The following FRMD5 variants were observed in gnomAD, a reference collection of about 807,000 sequenced individuals.
The protein encoded by FRMD5 is FERM domain containing 5.
FRMD5 carries 20 observed loss-of-function variants against 69.0 expected under a neutral mutation model. The ratio of observed to expected loss-of-function variants is 0.29; its 90% CI spans 0.20 to 0.42. The LOEUF is 0.42. Ranked by LOEUF, FRMD5 falls within the 10% of genes least tolerant of loss-of-function variation. The pLI is 1.00. For synonymous variants in FRMD5, 271 were observed against 260.1 expected (o/e 1.04, Z -0.40); for missense variants, 595 against 708.6 (o/e 0.84, Z 1.82).
chr15:44,175,870 A>T lies in FRMD5; in HGVS notation c.102+19083T>A, dbSNP rs138502296. ...CTGAAAACCACAAAGCATTTTTTTA[A>T]AAATTAAAGATCCAAATAAATGGAA... On this transcript the variant is annotated intron_variant, in intron 1 of 13. Transcript: ENST00000417257. Among the ~76,000 whole-genome samples, 600 of 152,318 alleles carry T rather than the reference A, an allele frequency of 3.9e-3. 5 individuals are homozygous for T. Among genetic ancestry groups the T allele is most frequent in the African/African-American group, 0.014 (562 of 41,572 alleles).
intron 1 of FRMD5, among the ~76,000 whole-genome samples, chr15:44,120,994 T>A (rs2140655609): frequency 6.6e-6 from 1 of 151,968 alleles, no homozygotes; most frequent in South Asian, 2.1e-4. Flanking sequence ...AGTGTTTAAG[T>A]GGTAGTGGAA....
intron 6 of FRMD5, 126 bp downstream of exon 6, chr15:43,905,701 AG>A (rs2089154500): frequency 1.2e-5 from 15 of 1,208,478 alleles, no homozygotes; most frequent in Non-Finnish European, 1.8e-5. Flanking sequence ...ATCCGCGGTC[AG>A]GAAGGCTGGG....
At chr15:43,883,564 A>G in intron 13 of FRMD5, 139 bp downstream of exon 13, 1 of 632,238 alleles carries the variant, frequency 1.6e-6, no homozygotes, top group Non-Finnish European at 2.8e-6. Context: ...CATCCACTGG[A>G]TAAAACCTCC....
At chr15:44,156,647 G>A (rs912316278) in intron 1 of FRMD5, among the ~76,000 whole-genome samples, 5 of 152,110 alleles carry the variant, frequency 3.3e-5, no homozygotes, top group East Asian at 1.9e-4. Context: ...ATACCTATTA[G>A]ACCCAGATAG....
chr15:43,943,755 C>T (rs2089900138), intron 1 of FRMD5, among the ~76,000 whole-genome samples: 1 of 152,210 alleles, frequency 6.6e-6, no homozygotes, highest in Non-Finnish European at 1.5e-5. Flanking sequence ...GAATTCTTCC[C>T]TAGAGTCTCC....
At chr15:43,964,823 G>C (rs1008905854) in intron 1 of FRMD5, among the ~76,000 whole-genome samples, 2 of 152,142 alleles carry the variant, frequency 1.3e-5, no homozygotes, top group Non-Finnish European at 2.9e-5. Flanking sequence ...GTCTAGAAGA[G>C]GCAACCTTGG....
rs533239333 is a variant in FRMD5 at position 43,902,614 on chromosome 15, C to T, written c.552-352G>A. The stretch of plus-strand genomic sequence containing the variant: ...GGGAGGTGGGAGGATTGCTTGAGCC[C>T]AGGAGTGCGAGGTTTCAGTGAGCTA... On this transcript the variant is annotated intron_variant, in intron 6 of 13. Transcript: ENST00000417257. 2.0e-3 allele frequency among the ~76,000 whole-genome samples: 294 copies of T among 149,068 alleles called. 2 individuals are homozygous for T. The highest frequency in any genetic ancestry group is 7.2e-3 in the African/African-American group (288 of 40,186).
At chr15:43,914,818 C>T (rs186480491) in intron 4 of FRMD5, among the ~76,000 whole-genome samples, 69 of 150,910 alleles carry the variant, frequency 4.6e-4, no homozygotes, top group South Asian at 3.6e-3. Flanking sequence ...CTCCACCTCC[C>T]GGGTTCAAGT....
intron 1 of FRMD5, among the ~76,000 whole-genome samples, chr15:44,134,125 G>T (rs907548744): frequency 2.0e-4 from 29 of 146,958 alleles, no homozygotes; most frequent in African/African-American, 2.7e-4. Flanking sequence ...CAAATACTTT[G>T]TTTTTTTTTT....
intron 13 of FRMD5, among the ~76,000 whole-genome samples, chr15:43,880,798 C>A (rs2088504019): frequency 6.6e-6 from 1 of 152,208 alleles, no homozygotes; most frequent in East Asian, 1.9e-4. Context: ...TGCCCTGGCC[C>A]TAGGGGGCCT....
chr15:44,175,380 C>T (rs981224624), intron 1 of FRMD5, among the ~76,000 whole-genome samples: 1 of 152,104 alleles, frequency 6.6e-6, no homozygotes, highest in Non-Finnish European at 1.5e-5. Context: ...TATCATTAGC[C>T]ATTAGAGAAA....
At chr15:44,112,916 T>C (rs1392515462) in intron 1 of FRMD5, among the ~76,000 whole-genome samples, 2 of 152,222 alleles carry the variant, frequency 1.3e-5, no homozygotes, top group Non-Finnish European at 2.9e-5. Context: ...TTTTTTCCTT[T>C]CATATTTCTC....
intron 1 of FRMD5, among the ~76,000 whole-genome samples, chr15:43,973,371 T>G (rs2140587370): frequency 6.6e-6 from 1 of 151,250 alleles, no homozygotes; most frequent in East Asian, 1.9e-4. Context: ...TGCTAATGTT[T>G]TTTTTTTTTT....
At chr15:44,196,737 T>C (rs2078305973), upstream of FRMD5, among the ~76,000 whole-genome samples, 2 of 108,824 alleles carry the variant, frequency 1.8e-5, no homozygotes. Context: ...TTTCATTCTC[T>C]CTCTCTCTCT....
At chr15:43,947,810 T>C (rs2089969835) in intron 1 of FRMD5, among the ~76,000 whole-genome samples, 2 of 152,248 alleles carry the variant, frequency 1.3e-5, no homozygotes, top group Admixed American at 1.3e-4. Context: ...GAAGATTAAC[T>C]GATAACTCAA....
chr15:44,030,326 C>T (rs1408097470), intron 1 of FRMD5, among the ~76,000 whole-genome samples: 4 of 152,040 alleles, frequency 2.6e-5, no homozygotes, highest in Non-Finnish European at 5.9e-5. Flanking sequence ...AGCAGAATCA[C>T]AAAGCCACTC....
intron 8 of FRMD5, among the ~76,000 whole-genome samples, chr15:43,889,397 G>A (rs898564024): frequency 7.9e-5 from 12 of 152,148 alleles, no homozygotes; most frequent in Admixed American, 7.2e-4. Flanking sequence ...CTCAGGGAGC[G>A]GGGCAGGGCA....
chr15:43,922,390 T>A (rs1297650270), intron 2 of FRMD5, among the ~76,000 whole-genome samples: 1 of 152,214 alleles, frequency 6.6e-6, no homozygotes, highest in Non-Finnish European at 1.5e-5. Context: ...CACGACTCAG[T>A]GAGCAGTATA....
chr15:44,066,251 A>G (rs1893306349), intron 1 of FRMD5, among the ~76,000 whole-genome samples: 1 of 152,214 alleles, frequency 6.6e-6, no homozygotes, highest in Non-Finnish European at 1.5e-5. Context: ...AGAAATACCT[A>G]CTAGCTCTAC....
Sources: allele counts gnomAD v4.1 joint callset (sites outside exome capture counted in the v4.1 genomes callset), GRCh38; gene constraint gnomAD v4.1.1; transcripts MANE v1.5; gene names NCBI Gene and HGNC (gene_info 2026-07-23, HGNC 2026-07-21).